UBQLN2: variants seen among roughly 807,000 people sequenced by gnomAD.
UBQLN2 encodes the protein ubiquilin-2.
Under a neutral mutation model 22.2 loss-of-function variants are expected in UBQLN2, and 2 were observed. The observed-to-expected ratio is 0.09, with a 90% CI of 0.04 to 0.28. UBQLN2 has a LOEUF of 0.28. Among genes scored for constraint, UBQLN2 ranks in the 10% least tolerant of loss-of-function variants. The probability of loss-of-function intolerance (pLI) is 1.00; values close to 1 mark genes in which losing one functional copy is unlikely to be tolerated. For synonymous variants in UBQLN2, 252 were observed against 206.7 expected, an observed-to-expected ratio of 1.22 and a Z score of -1.88; for missense variants, 446 against 505.1, an observed-to-expected ratio of 0.88 and a Z score of 1.12.
chrX:56,565,436 T>C lies in UBQLN2; in HGVS notation c.1563T>C (p.Pro521=). ...GPIGPIGPTG[P]AAPPGSTGSG... ...TTGGGCCCATAGGACCCACTGGCCCTGCAGCCCCCCCTGGCTCCACCGGCT... is the reference window on the plus strand; with the variant it reads ...TTGGGCCCATAGGACCCACTGGCCCCGCAGCCCCCCCTGGCTCCACCGGCT... Residue 521 remains proline, a synonymous_variant, in exon 1 of 1, where the codon CCT becomes CCC. Coordinates refer to ENST00000338222, the MANE Select transcript of UBQLN2 (RefSeq NM_013444.4). 8.4e-7 allele frequency: 1 copy of C among 1,194,898 alleles called. No individual in the cohort carries two copies. The highest frequency in any genetic ancestry group is 1.8e-5 in the South Asian group (1 of 55,219).
chrX:56,566,476 A>ATT lies in UBQLN2; in HGVS notation c.*728_*729insTT. The ATT allele has an allele frequency of 8.1e-6, 1 of 123,810 alleles. No individual in the cohort carries two copies. The highest frequency in any genetic ancestry group is 3.6e-4 in the South Asian group (1 of 2,753). The allele number at this position is 123,810 out of a possible 1,213,427, so 10.2% of individuals were successfully genotyped here. On this transcript the variant is annotated 3_prime_UTR_variant, in exon 1 of 1. Transcript: ENST00000338222. ...GAATACAAGAAATGTTTCTGGAGCT[A>ATT]GTTATGTCTCACAATTTTGTAGAAT...
In UBQLN2 at chrX:56,565,408, C is replaced by T. The variant is rs768779609; in HGVS notation, c.1535C>T (p.Pro512Leu). The change falls in exon 1 of 1, where the codon CCC becomes CTC. Residue 512 changes from proline to leucine, a missense_variant. Physicochemically the swap from Pro to Leu is moderately conservative, Grantham distance 98 (BLOSUM62 -3). Transcript: ENST00000338222. The part of the protein sequence containing the change: ...GPIVPFTPIG[P>L]IGPIGPTGPA... The stretch of plus-strand genomic sequence containing the variant: ...ATAGTCCCTTTTACCCCCATAGGCC[C>T]CATTGGGCCCATAGGACCCACTGGC... The T allele has an allele frequency of 1.3e-5, 15 of 1,194,561 alleles. No homozygotes were observed. In the South Asian group the frequency reaches 2.4e-4, roughly 19 times the overall value.
Position 56,564,356 on chromosome X carries a change from G to A in UBQLN2, c.483G>A (p.Ser161=). 8.3e-7 allele frequency: 1 copy of A among 1,211,673 alleles called. No homozygotes were observed. Residue 161 remains serine, a synonymous_variant, in exon 1 of 1, where the codon TCG becomes TCA. Coordinates refer to ENST00000338222, the MANE Select transcript of UBQLN2 (RefSeq NM_013444.4). Reference sequence around the variant, plus strand: ...GCCTTAGCAGCCTGGGCTTGAGCTCGACCAACTTCTCTGAGCTCCAGAGCC... The same window carrying A: ...GCCTTAGCAGCCTGGGCTTGAGCTCAACCAACTTCTCTGAGCTCCAGAGCC... The part of the protein sequence containing the change: ...LAGLSSLGLS[S]TNFSELQSQM...
Position 56,563,671 on chromosome X carries a change from C to A in UBQLN2, c.-203C>A. On this transcript the variant is annotated 5_prime_UTR_variant, in exon 1 of 1. Coordinates refer to ENST00000338222, the MANE Select transcript of UBQLN2 (RefSeq NM_013444.4). ...GGCCCAGAGACCGGAGCGCGGAGACCTCAGCCAGCGGCCTACGCCCAGGCC... is the reference window on the plus strand; with the variant it reads ...GGCCCAGAGACCGGAGCGCGGAGACATCAGCCAGCGGCCTACGCCCAGGCC... 5.6e-6 allele frequency: 2 copies of A among 357,051 alleles called. No homozygotes were observed. Among genetic ancestry groups the A allele is most frequent in the African/African-American group, 2.7e-5 (1 of 37,231 alleles). 29.4% of individuals were successfully genotyped at this position (357,051 alleles called of 1,213,427 possible).
At position 56,564,632 on chromosome X, in the gene UBQLN2, G is replaced by A. The variant is rs1350551185; in HGVS notation, c.759G>A (p.Leu253=). Reference sequence around the variant, plus strand: ...AAGAGATGATGAGAAATCAAGACCTGGCTCTTAGCAATCTAGAAAGCATCC... The same window carrying A: ...AAGAGATGATGAGAAATCAAGACCTAGCTCTTAGCAATCTAGAAAGCATCC... ...MMQEMMRNQD[L]ALSNLESIPG... is the part of the protein sequence containing the mutation. The change falls in exon 1 of 1, where the codon CTG becomes CTA. Residue 253 remains leucine, a synonymous_variant. Coordinates refer to ENST00000338222, the MANE Select transcript of UBQLN2 (RefSeq NM_013444.4). 1.7e-6 allele frequency: 2 copies of A among 1,210,526 alleles called. No homozygotes were observed. Among genetic ancestry groups the A allele is most frequent in the Non-Finnish European group, 2.2e-6 (2 of 894,762 alleles).
Position 56,563,758 on chromosome X carries a change from C to T in UBQLN2, c.-116C>T. On this transcript the variant is annotated 5_prime_UTR_variant, in exon 1 of 1. Transcript: ENST00000338222. Reference sequence around the variant, plus strand: ...TCACAGAGGTACCGTGCTCCGCGCTCCCCGCCTGACCCGGCCCAGCCCGCT... The same window carrying T: ...TCACAGAGGTACCGTGCTCCGCGCTTCCCGCCTGACCCGGCCCAGCCCGCT... 1.8e-6 allele frequency: 1 copy of T among 557,642 alleles called. No homozygotes were observed. Among genetic ancestry groups the T allele is most frequent in the Non-Finnish European group, 2.8e-6 (1 of 351,273 alleles). The allele number at this position is 557,642 out of a possible 1,213,427, so 46.0% of individuals were successfully genotyped here. A position where few individuals can be genotyped will look rare whatever the true frequency, so the allele number is the denominator to read the frequency against.
chrX:56,563,836 C>T lies in UBQLN2; in HGVS notation c.-38C>T. ...CCCTCGCGCTCTCTCTTTCGCCCGC[C>T]CGCGCCTTCCCTGCCCGCCTGCGTC... On this transcript the variant is annotated 5_prime_UTR_variant, in exon 1 of 1. Coordinates refer to ENST00000338222, the MANE Select transcript of UBQLN2 (RefSeq NM_013444.4). The T allele has an allele frequency of 9.3e-7, 1 of 1,072,240 alleles. No homozygotes were observed. The highest frequency in any genetic ancestry group is 2.2e-5 in the South Asian group (1 of 45,041). The allele number at this position is 1,072,240 out of a possible 1,213,427, so 88.4% of individuals were successfully genotyped here.
chrX:56,563,865 G>T lies in UBQLN2; in HGVS notation c.-9G>T. Reference sequence around the variant, plus strand: ...GCCTTCCCTGCCCGCCTGCGTCACCGCGGCCGCCATGGCTGAGAATGGCGA... The same window carrying T: ...GCCTTCCCTGCCCGCCTGCGTCACCTCGGCCGCCATGGCTGAGAATGGCGA... On this transcript the variant is annotated 5_prime_UTR_variant, in exon 1 of 1. Transcript: ENST00000338222. 8.8e-7 allele frequency: 1 copy of T among 1,140,491 alleles called. No homozygotes were observed. Among genetic ancestry groups the T allele is most frequent in the East Asian group, 3.0e-5 (1 of 32,859 alleles). The allele number at this position is 1,140,491 out of a possible 1,213,427, so 94.0% of individuals were successfully genotyped here. A position where few individuals can be genotyped will look rare whatever the true frequency, so the allele number is the denominator to read the frequency against.
chrX:56,566,023 T>C lies in UBQLN2; in HGVS notation c.*275T>C. On this transcript the variant is annotated 3_prime_UTR_variant, in exon 1 of 1. Transcript: ENST00000338222. ...CCTTCCTTATTTCCTTTAGTTTCCT[T>C]CCTTAGCCGTTTTGAGTGGTGGGAA... is the stretch of plus-strand genomic sequence containing the variant. 2.5e-6 allele frequency: 1 copy of C among 406,961 alleles called. No individual in the cohort carries two copies. Among genetic ancestry groups the C allele is most frequent in the Non-Finnish European group, 4.4e-6 (1 of 225,912 alleles). The allele number at this position is 406,961 out of a possible 1,213,427, so 33.5% of individuals were successfully genotyped here. A position where few individuals can be genotyped will look rare whatever the true frequency, so the allele number is the denominator to read the frequency against.
rs35070491 is a variant in UBQLN2 at position 56,565,625 on chromosome X, A to C, written c.1752A>C (p.Gln584His). The C allele has an allele frequency of 5.0e-5, 60 of 1,211,024 alleles. No individual in the cohort carries two copies. In the African/African-American group the frequency reaches 9.6e-4, roughly 19 times the overall value. The change falls in exon 1 of 1, where the codon CAA becomes CAC. Residue 584 changes from glutamine (Q) to histidine (H), a missense_variant. Physicochemically the swap from Gln to His is conservative, Grantham distance 24. Around this residue, in one of 3 missense-constraint regions of UBQLN2, gnomAD observed 278 missense variants for 279.4 expected, o/e 1.00. Coordinates refer to ENST00000338222, the MANE Select transcript of UBQLN2 (RefSeq NM_013444.4). ...QLPNPEVRFQ[Q>H]QLEQLNAMGF... ...CGAATCCAGAAGTCAGATTTCAGCA[A>C]CAACTGGAACAGCTCAACGCAATGG...
In UBQLN2 at chrX:56,567,375, A is replaced by G. The variant is rs1303520302; in HGVS notation, c.*1627A>G. The stretch of plus-strand genomic sequence containing the variant: ...GTTTATTTTACCAGATGAATTTTAC[A>G]GTTAATAGATTCTTCCCCCAAAAAT... On this transcript the variant is annotated 3_prime_UTR_variant, in exon 1 of 1. Transcript: ENST00000338222. 2.4e-5 allele frequency: 3 copies of G among 122,982 alleles called. No homozygotes were observed. Among genetic ancestry groups the G allele is most frequent in the Non-Finnish European group, 5.6e-5 (3 of 53,121 alleles). 10.1% of individuals were successfully genotyped at this position (122,982 alleles called of 1,213,427 possible).
At position 56,563,906 on chromosome X, in the gene UBQLN2, G is replaced by A. The variant is rs748108475; in HGVS notation, c.33G>A (p.Pro11=). The part of the protein sequence containing the change: MAENGESSGP[P]RPSRGPAAAQ... ...AGAATGGCGAGAGCAGCGGCCCCCC[G>A]CGCCCCTCCCGCGGCCCTGCTGCGG... Residue 11 remains proline, a synonymous_variant, in exon 1 of 1, where the codon CCG becomes CCA. Coordinates refer to ENST00000338222, the MANE Select transcript of UBQLN2 (RefSeq NM_013444.4). 6 of 1,151,880 alleles carry A rather than the reference G, an allele frequency of 5.2e-6. No homozygotes were observed. Among genetic ancestry groups the A allele is most frequent in the African/African-American group, 1.8e-5 (1 of 55,930 alleles). 94.9% of individuals were successfully genotyped at this position (1,151,880 alleles called of 1,213,427 possible).
rs1348784451 is a variant in UBQLN2 at position 56,567,719 on chromosome X, C to T, written c.*1971C>T. On this transcript the variant is annotated 3_prime_UTR_variant, in exon 1 of 1. Transcript: ENST00000338222. ...GAAATCTATTAATTTTAGAGATATT[C>T]ATTTGATCCTTTTGAGTTTTTCCAG... is the stretch of plus-strand genomic sequence containing the variant. 1 of 122,571 alleles carries T rather than the reference C, an allele frequency of 8.2e-6. No homozygotes were observed. Among genetic ancestry groups the T allele is most frequent in the East Asian group, 2.8e-4 (1 of 3,590 alleles). The allele number at this position is 122,571 out of a possible 1,213,427, so 10.1% of individuals were successfully genotyped here.
Position 56,565,629 on chromosome X carries a change from C to A in UBQLN2, c.1756C>A (p.Leu586Met). Residue 586 changes from leucine to methionine, a missense_variant, in exon 1 of 1, where the codon CTG (leucine) becomes ATG (methionine). Leu to Met is a conservative substitution (Grantham distance 15). This residue lies in a region of UBQLN2 where 278 missense variants were observed against 279.4 expected (regional missense o/e 1.00). Transcript: ENST00000338222. ...PNPEVRFQQQ[L>M]EQLNAMGFLN... Reference sequence around the variant, plus strand: ...TCCAGAAGTCAGATTTCAGCAACAACTGGAACAGCTCAACGCAATGGGGTT... The same window carrying A: ...TCCAGAAGTCAGATTTCAGCAACAAATGGAACAGCTCAACGCAATGGGGTT... 1 of 1,212,234 alleles carries A rather than the reference C, an allele frequency of 8.2e-7. No individual in the cohort carries two copies. Among genetic ancestry groups the A allele is most frequent in the Non-Finnish European group, 1.1e-6 (1 of 895,609 alleles).
chrX:56,565,088 G>A lies in UBQLN2; in HGVS notation c.1215G>A (p.Leu405=). 1 of 1,211,840 alleles carries A rather than the reference G, an allele frequency of 8.3e-7. No homozygotes were observed. Among genetic ancestry groups the A allele is most frequent in the East Asian group, 3.0e-5 (1 of 33,846 alleles). Reference sequence around the variant, plus strand: ...AGTCGCTGAGCCAGAATCCAGATTTGGCTGCACAGATGATGCTGAATAGCC... The same window carrying A: ...AGTCGCTGAGCCAGAATCCAGATTTAGCTGCACAGATGATGCTGAATAGCC... ...MMQSLSQNPD[L]AAQMMLNSPL... The change falls in exon 1 of 1, where the codon TTG becomes TTA. Residue 405 remains leucine (L), a synonymous_variant. Transcript: ENST00000338222.
Position 56,564,064 on chromosome X carries a change from G to A in UBQLN2, c.191G>A (p.Arg64His). ...CAGTTTAAGGAAGCGATTTCGAAAC[G>A]CTTCAAATCCCAAACCGATCAGCTA... ...VQQFKEAISK[R>H]FKSQTDQLVL... Residue 64 changes from arginine to histidine, a missense_variant, in exon 1 of 1, where the codon CGC (arginine) becomes CAC (histidine). Around this residue, in one of 3 missense-constraint regions of UBQLN2, gnomAD observed 129 missense variants for 198.1 expected, o/e 0.65. Coordinates refer to ENST00000338222, the MANE Select transcript of UBQLN2 (RefSeq NM_013444.4). 8.3e-7 allele frequency: 1 copy of A among 1,205,277 alleles called. No individual in the cohort carries two copies. The highest frequency in any genetic ancestry group is 1.1e-6 in the Non-Finnish European group (1 of 891,754).
In UBQLN2 at chrX:56,565,776, G is replaced by C. The variant is rs957065600; in HGVS notation, c.*28G>C. On this transcript the variant is annotated 3_prime_UTR_variant, in exon 1 of 1. Transcript: ENST00000338222. Reference sequence around the variant, plus strand: ...ACATTTCTGTACCTGGAAAAAAAATGTATCTTATTTTTGATAATGGCTCTT... The same window carrying C: ...ACATTTCTGTACCTGGAAAAAAAATCTATCTTATTTTTGATAATGGCTCTT... The C allele has an allele frequency of 5.2e-6, 6 of 1,148,287 alleles. No individual in the cohort carries two copies. The highest frequency in any genetic ancestry group is 7.1e-6 in the Non-Finnish European group (6 of 848,384). The allele number at this position is 1,148,287 out of a possible 1,213,427, so 94.6% of individuals were successfully genotyped here.
chrX:56,565,459 G>C lies in UBQLN2; in HGVS notation c.1586G>C (p.Gly529Ala). 8.3e-7 allele frequency: 1 copy of C among 1,199,015 alleles called. No individual in the cohort carries two copies. Among genetic ancestry groups the C allele is most frequent in the Non-Finnish European group, 1.1e-6 (1 of 888,750 alleles). The change falls in exon 1 of 1, where the codon GGC becomes GCC. Residue 529 changes from glycine to alanine, a missense_variant. Gly to Ala is a moderately conservative substitution (Grantham distance 60). Coordinates refer to ENST00000338222, the MANE Select transcript of UBQLN2 (RefSeq NM_013444.4). ...CCTGCAGCCCCCCCTGGCTCCACCGGCTCTGGTGGCCCCACGGGGCCTACT... is the reference window on the plus strand; with the variant it reads ...CCTGCAGCCCCCCCTGGCTCCACCGCCTCTGGTGGCCCCACGGGGCCTACT... ...TGPAAPPGST[G>A]SGGPTGPTVS...
rs2068626146 is a variant in UBQLN2 at position 56,563,642 on chromosome X, A to C, written c.-232A>C. ...CGGTCGGATCACAAGGCGGCGGCGGAGGAGGCCCAGAGACCGGAGCGCGGA... is the reference window on the plus strand; with the variant it reads ...CGGTCGGATCACAAGGCGGCGGCGGCGGAGGCCCAGAGACCGGAGCGCGGA... On this transcript the variant is annotated 5_prime_UTR_variant, in exon 1 of 1. Coordinates refer to ENST00000338222, the MANE Select transcript of UBQLN2 (RefSeq NM_013444.4). The C allele has an allele frequency of 3.0e-6, 1 of 330,410 alleles. No homozygotes were observed. The highest frequency in any genetic ancestry group is 2.8e-5 in the African/African-American group (1 of 36,214). The allele number at this position is 330,410 out of a possible 1,213,427, so 27.2% of individuals were successfully genotyped here.
Sources: allele counts gnomAD v4.1 joint callset, GRCh38; gene constraint gnomAD v4.1.1; regional missense constraint gnomAD v4.1.1; transcripts MANE v1.5; gene names NCBI Gene and HGNC (gene_info 2026-07-23, HGNC 2026-07-21).